Variants in ADGRB2 observed in about 807,000 individuals in gnomAD.
ADGRB2 encodes the protein adhesion G protein-coupled receptor B2.
ADGRB2 carries 47 observed loss-of-function variants against 178.7 expected under a neutral mutation model. The ratio of observed to expected loss-of-function variants is 0.26; its 90% CI spans 0.21 to 0.34. ADGRB2 has a LOEUF of 0.34. ADGRB2 is among the 10% of genes least tolerant of loss of function. The probability of loss-of-function intolerance (pLI) is 1.00; values close to 1 mark genes in which losing one functional copy is unlikely to be tolerated. For missense variants in ADGRB2, 1,584 were observed against 2,180.8 expected, an observed-to-expected ratio of 0.73 and a Z score of 5.45; for synonymous variants, 870 against 912.4, an observed-to-expected ratio of 0.95 and a Z score of 0.84.
chr1:31,748,093 G>A (rs991387773), intron 4 of ADGRB2, among the ~76,000 whole-genome samples: 2 of 152,188 alleles, frequency 1.3e-5, no homozygotes, highest in Non-Finnish European at 2.9e-5. Flanking sequence ...GCTTGTCGGG[G>A]TCTCACACTG....
intron 1 of ADGRB2, among the ~76,000 whole-genome samples, chr1:31,763,053 C>T (rs922677320): frequency 6.6e-6 from 1 of 152,234 alleles, no homozygotes; most frequent in Admixed American, 6.5e-5. Flanking sequence ...GGCCCTGGGG[C>T]TGCGGGAGGG....
At position 31,735,253 on chromosome 1, in the gene ADGRB2, G is replaced by A; in HGVS notation, c.3382C>T (p.Leu1128Phe). Residue 1128 changes from leucine to phenylalanine, a missense_variant, in exon 25 of 33, where the codon CTC becomes TTC. Leu to Phe is a conservative substitution (Grantham distance 22). Transcript: ENST00000373658. The surrounding 1 kb of genome is among the most constrained non-coding windows in gnomAD (Gnocchi z 6.0). ...GSERCPWASL[L>F]LPCSACGAVP... ...GCTCCACACGCTGAGCAGGGGAGGA[G>A]CAGGCTGGCCCAGGGGCACCGCTCC... 2 of 1,470,514 alleles carry A rather than the reference G, an allele frequency of 1.4e-6. No individual in the cohort carries two copies. Among genetic ancestry groups the A allele is most frequent in the African/African-American group, 1.4e-5 (1 of 71,022 alleles). The allele number at this position is 1,470,514 out of a possible 1,614,324, so 91.1% of individuals were successfully genotyped here.
Position 31,735,397 on chromosome 1 carries a change from G to C in ADGRB2, c.3354-116C>G, listed in dbSNP as rs772296083. 1 of 1,191,108 alleles carries C rather than the reference G, an allele frequency of 8.4e-7. No homozygotes were observed. The highest frequency in any genetic ancestry group is 2.6e-5 in the East Asian group (1 of 38,968). The allele number at this position is 1,191,108 out of a possible 1,614,324, so 73.8% of individuals were successfully genotyped here. On this transcript the variant is annotated intron_variant, in intron 24 of 32. Transcript: ENST00000373658. This position sits in a 1 kb window ranked among gnomAD's most constrained non-coding sequence, Gnocchi z 6.0. ...GAGGGCAGACGAGAGAGAGAGAGCTGGGTTAGGGTGGGTGAGGGGCTGCGG... is the reference window on the plus strand; with the variant it reads ...GAGGGCAGACGAGAGAGAGAGAGCTCGGTTAGGGTGGGTGAGGGGCTGCGG...
Position 31,741,398 on chromosome 1 carries a change from T to C in ADGRB2, c.1769A>G (p.His590Arg). The C allele has an allele frequency of 6.2e-7, 1 of 1,606,400 alleles. No homozygotes were observed. The highest frequency in any genetic ancestry group is 8.5e-7 in the Non-Finnish European group (1 of 1,176,734). Residue 590 changes from histidine to arginine, a missense_variant, in exon 11 of 33, where the codon CAT (histidine) becomes CGT (arginine). Coordinates refer to ENST00000373658, the MANE Select transcript of ADGRB2 (RefSeq NM_001364857.2). The surrounding 1 kb of genome is among the most constrained non-coding windows in gnomAD (Gnocchi z 6.5). ...TGACAGATACAGGTAGCGGTACTCATGGGAGATGCAGCGAGCAAAGCTGGG... is the reference window on the plus strand; with the variant it reads ...TGACAGATACAGGTAGCGGTACTCACGGGAGATGCAGCGAGCAAAGCTGGG... ...GLPSFARCIS[H>R]EYRYLYLSLR...
At chr1:31,732,059 C>A (rs1569758541) in intron 28 of ADGRB2, 56 bp downstream of exon 28, 2 of 1,607,456 alleles carry the variant, frequency 1.2e-6, no homozygotes, top group East Asian at 4.5e-5. Context: ...GGGCTCAAGG[C>A]CTCCCCTTCT....
rs1187285192 is a variant in ADGRB2 at position 31,735,829 on chromosome 1, G to A, written c.3265C>T (p.Leu1089=). The change falls in exon 23 of 33, where the codon CTG becomes TTG. Residue 1089 remains leucine (L), a splice_region_variant and synonymous_variant. Transcript: ENST00000373658. This position sits in a 1 kb window ranked among gnomAD's most constrained non-coding sequence, Gnocchi z 6.0. ...CAAGATGCTGAACGGGCACATACCA[G>A]GACAATGACGGCTGCAGGGCCCACA... ...AFVGPAAVIV[L]VNMLIGIIVF... 1 of 1,609,572 alleles carries A rather than the reference G, an allele frequency of 6.2e-7. No individual in the cohort carries two copies. The highest frequency in any genetic ancestry group is 8.5e-7 in the Non-Finnish European group (1 of 1,177,782).
rs1207483452 is a variant in ADGRB2 at position 31,737,730 on chromosome 1, G to A, written c.2798C>T (p.Ser933Leu). ...DLTLELAGSP[S>L]VPLVIGCAVS... is the part of the protein sequence containing the mutation. ...TGCACAGCCGATCACCAGGGGGACC[G>A]AGGGGGAGCCCGCCAGCTCCAGGGT... The change falls in exon 19 of 33, where the codon TCG becomes TTG. Residue 933 changes from serine (S) to leucine (L), a missense_variant. By Grantham distance (145) the Ser-to-Leu change is moderately radical. Transcript: ENST00000373658. 6.8e-6 allele frequency: 11 copies of A among 1,613,534 alleles called. No individual in the cohort carries two copies. The highest frequency in any genetic ancestry group is 1.3e-5 in the African/African-American group (1 of 74,930).
At chr1:31,739,847 C>T (rs982586238) in intron 14 of ADGRB2, 79 bp downstream of exon 14, 45 of 1,366,562 alleles carry the variant, frequency 3.3e-5, no homozygotes, top group South Asian at 6.0e-5. Context: ...GATACAAATA[C>T]GGGGTTAGGT....
Position 31,738,330 on chromosome 1 carries a change from G to T in ADGRB2, c.2646-4C>A. 2 of 1,610,284 alleles carry T rather than the reference G, an allele frequency of 1.2e-6. No homozygotes were observed. Among genetic ancestry groups the T allele is most frequent in the South Asian group, 2.2e-5 (2 of 91,050 alleles). On this transcript the variant is annotated splice_polypyrimidine_tract_variant and splice_region_variant and intron_variant, in intron 17 of 32. Coordinates refer to ENST00000373658, the MANE Select transcript of ADGRB2 (RefSeq NM_001364857.2). ...CCAGTCTCCTGAGCTGGCATCTCTTGGGTAGGGGAGAGATTCAGTGAGCCC... is the reference window on the plus strand; with the variant it reads ...CCAGTCTCCTGAGCTGGCATCTCTTTGGTAGGGGAGAGATTCAGTGAGCCC...
At position 31,731,213 on chromosome 1, in the gene ADGRB2, G is replaced by A; in HGVS notation, c.3967C>T (p.Pro1323Ser). ...CCACCCTCCCCACACATGTAAACAGGGTTGGCCTCCTGTGGGGGCGGAGGC... is the reference window on the plus strand; with the variant it reads ...CCACCCTCCCCACACATGTAAACAGAGTTGGCCTCCTGTGGGGGCGGAGGC... The part of the protein sequence containing the change: ...GEPPPPQEAN[P>S]VYMCGEGGLR... Residue 1323 changes from proline (P) to serine (S), a missense_variant, in exon 29 of 33, where the codon CCT becomes TCT. Transcript: ENST00000373658. 1 of 1,602,804 alleles carries A rather than the reference G, an allele frequency of 6.2e-7. No homozygotes were observed. The highest frequency in any genetic ancestry group is 8.5e-7 in the Non-Finnish European group (1 of 1,175,390).
rs920084361 is a variant in ADGRB2 at position 31,741,158 on chromosome 1, C to T, written c.1794+215G>A. The stretch of plus-strand genomic sequence containing the variant: ...GACTGAGGAGCTCATTCTGCAGGAG[C>T]GCAGAGGTAGGCACCAGGGATAAAA... On this transcript the variant is annotated intron_variant, in intron 11 of 32. Transcript: ENST00000373658. This position sits in a 1 kb window ranked among gnomAD's most constrained non-coding sequence, Gnocchi z 6.5. Among the ~76,000 whole-genome samples, 2 of 152,070 alleles carry T rather than the reference C, an allele frequency of 1.3e-5. No homozygotes were observed. Among genetic ancestry groups the T allele is most frequent in the African/African-American group, 4.8e-5 (2 of 41,396 alleles).
chr1:31,728,498 A>AG lies in ADGRB2; in HGVS notation c.4416+99dup. On this transcript the variant is annotated intron_variant, in intron 30 of 32. Transcript: ENST00000373658. This position sits in a 1 kb window ranked among gnomAD's most constrained non-coding sequence, Gnocchi z 6.7. The stretch of plus-strand genomic sequence containing the variant: ...CCCCCGGGCTTGGGCTCCTGGGGTC[A>AG]GGCTCTGCAACAGAGCTTGGACTAC... The AG allele has an allele frequency of 1.3e-6, 2 of 1,564,910 alleles. No homozygotes were observed. The highest frequency in any genetic ancestry group is 2.2e-5 in the South Asian group (2 of 89,988).
chr1:31,746,519 C>T (rs933477576), intron 4 of ADGRB2, among the ~76,000 whole-genome samples: 1 of 152,186 alleles, frequency 6.6e-6, no homozygotes, highest in African/African-American at 2.4e-5. Context: ...CCAACTGGCA[C>T]CATGACAGCT....
At chr1:31,742,794 C>T (rs1318071605) in intron 7 of ADGRB2, 44 bp downstream of exon 7, 4 of 1,374,752 alleles carry the variant, frequency 2.9e-6, no homozygotes, top group Admixed American at 3.3e-5. Context: ...GACCCCCCAC[C>T]GGGCTGGGCA....
At chr1:31,737,808 G>T in intron 18 of ADGRB2, 53 bp from the exon 19 acceptor site, 1 of 1,512,812 alleles carries the variant, frequency 6.6e-7, no homozygotes, top group Non-Finnish European at 9.1e-7. Flanking sequence ...GGGAGCTGCA[G>T]GGGTGCCCTG....
At chr1:31,746,150 A>G (rs1370484033) in intron 4 of ADGRB2, among the ~76,000 whole-genome samples, 1 of 152,112 alleles carries the variant, frequency 6.6e-6, no homozygotes, top group Non-Finnish European at 1.5e-5. Context: ...GGAGAACAAC[A>G]TTCATTATAC....
chr1:31,736,823 CACCT>C, intron 20 of ADGRB2, 100 bp from the exon 21 acceptor site: 6 of 1,481,486 alleles, frequency 4.0e-6, no homozygotes, highest in Admixed American at 2.4e-5. Flanking sequence ...CACAGCCGCC[CACCT>C]GAGCCCCGCC....
rs774797792 is a variant in ADGRB2 at position 31,741,649 on chromosome 1, G to A, written c.1662C>T (p.Tyr554=). 6.2e-7 allele frequency: 1 copy of A among 1,614,044 alleles called. No homozygotes were observed. The highest frequency in any genetic ancestry group is 1.1e-5 in the South Asian group (1 of 91,080). The change falls in exon 10 of 33, where the codon TAC becomes TAT. Residue 554 remains tyrosine (Y), a synonymous_variant. Coordinates refer to ENST00000373658, the MANE Select transcript of ADGRB2 (RefSeq NM_001364857.2). The surrounding 1 kb of genome is among the most constrained non-coding windows in gnomAD (Gnocchi z 6.5). The part of the protein sequence containing the change: ...WKKAAAGEII[Y]NKCPPNASGS... ...CTGAGGCATTCGGGGGGCACTTGTTGTAGATGATCTCGCCAGCAGCTGCCT... is the reference window on the plus strand; with the variant it reads ...CTGAGGCATTCGGGGGGCACTTGTTATAGATGATCTCGCCAGCAGCTGCCT...
Position 31,756,725 on chromosome 1 carries a change from TGGGGGCG to T in ADGRB2, c.105_111del (p.Ala36ValfsTer141). 1 of 1,590,412 alleles carries T rather than the reference TGGGGGCG, an allele frequency of 6.3e-7. No homozygotes were observed. The highest frequency in any genetic ancestry group is 8.6e-7 in the Non-Finnish European group (1 of 1,169,204). On this transcript the variant is annotated frameshift_variant, in exon 4 of 33. Transcript: ENST00000373658. LOFTEE classifies it high-confidence loss of function. The surrounding 1 kb of genome is among the most constrained non-coding windows in gnomAD (Gnocchi z 8.5). ...CCCGAGGCCAGGGCAGAGCAGGCAC[TGGGGGCG>T]GGGTCGAAGGCGGTGGCCAGGCGCA...
Sources: allele counts gnomAD v4.1 joint callset (sites outside exome capture counted in the v4.1 genomes callset), GRCh38; gene constraint gnomAD v4.1.1; non-coding constraint Gnocchi (gnomAD v3.1); transcripts MANE v1.5; gene names NCBI Gene and HGNC (gene_info 2026-07-23, HGNC 2026-07-21).